Variants in TRMT11 observed in about 807,000 individuals in gnomAD.
The protein encoded by TRMT11 is tRNA methyltransferase 11.
Under a neutral mutation model 62.8 loss-of-function variants are expected in TRMT11, and 53 were observed. That is an observed-to-expected ratio of 0.84 (90% CI 0.68 to 1.06). The LOEUF (loss-of-function observed/expected upper bound fraction) is 1.06, where lower values mean the gene tolerates loss of function less well. Among genes scored for constraint, TRMT11 ranks in the 50% least tolerant of loss-of-function variants. The pLI, the probability that TRMT11 is intolerant of heterozygous loss-of-function variation, is 0.00. For synonymous variants in TRMT11, 188 were observed against 190.3 expected (o/e 0.99, Z 0.10); for missense variants, 556 against 553.4 (o/e 1.00, Z -0.05).
intron 21 of TRMT11, among the ~76,000 whole-genome samples, chr6:126,121,729 C>A (rs935912942): frequency 1.3e-5 from 2 of 152,058 alleles, no homozygotes; most frequent in South Asian, 4.1e-4. Flanking sequence ...GACAGAGAAT[C>A]CATCATGTCC....
At position 126,038,921 on chromosome 6, in the gene TRMT11, A is replaced by C. The variant is rs186334212; in HGVS notation, c.*85A>C. ...GTGAACTTTCATGTATGATCCAGAA[A>C]ATAGGTACGGTTTTAAAATATTTTA... On this transcript the variant is annotated 3_prime_UTR_variant, in exon 13 of 13. Transcript: ENST00000334379. 19 of 1,115,220 alleles carry C rather than the reference A, an allele frequency of 1.7e-5. No homozygotes were observed. Among genetic ancestry groups the C allele is most frequent in the Middle Eastern group, 5.3e-4 (2 of 3,746 alleles). The allele number at this position is 1,115,220 out of a possible 1,614,324, so 69.1% of individuals were successfully genotyped here.
At chr6:126,165,667 G>T (rs1460388819) in intron 21 of TRMT11, among the ~76,000 whole-genome samples, 3 of 152,174 alleles carry the variant, frequency 2.0e-5, no homozygotes, top group Non-Finnish European at 4.4e-5. Context: ...AGTCTGATGG[G>T]CTTCCCTTTG....
chr6:126,265,111 C>A, the TRMT11 span, among the ~76,000 whole-genome samples: 1 of 152,084 alleles, frequency 6.6e-6, no homozygotes, highest in Non-Finnish European at 1.5e-5. Flanking sequence ...TGTTCATATA[C>A]ACACATGCAC....
chr6:126,191,373 C>T (rs554923452), intron 1 of TRMT11, among the ~76,000 whole-genome samples: 18 of 151,346 alleles, frequency 1.2e-4, no homozygotes, highest in Non-Finnish European at 1.9e-4. Flanking sequence ...AGCTTACAAA[C>T]ATTTTCTCCG....
intron 21 of TRMT11, among the ~76,000 whole-genome samples, chr6:126,168,798 C>A (rs550868080): frequency 6.6e-6 from 1 of 152,094 alleles, no homozygotes; most frequent in Non-Finnish European, 1.5e-5. Context: ...ATTACAGGTG[C>A]GAGCCACCAT....
chr6:126,223,655 A>G, the TRMT11 span, among the ~76,000 whole-genome samples: 1 of 152,198 alleles, frequency 6.6e-6, no homozygotes, highest in African/African-American at 2.4e-5. Flanking sequence ...CTTGTCTTGT[A>G]TAGTATCTTG....
At chr6:125,998,767 C>G (rs1472412755) in intron 6 of TRMT11, 83 bp downstream of exon 6, 2 of 1,340,518 alleles carry the variant, frequency 1.5e-6, no homozygotes, top group Non-Finnish European at 2.1e-6. Flanking sequence ...CTATGTAGAA[C>G]TTTAAAGCAG....
chr6:126,248,323 A>G, the TRMT11 span, among the ~76,000 whole-genome samples: 1 of 152,158 alleles, frequency 6.6e-6, no homozygotes, highest in Non-Finnish European at 1.5e-5. Context: ...TCTGTTTTAT[A>G]GGAAATATAA....
chr6:126,264,316 C>G, the TRMT11 span, among the ~76,000 whole-genome samples: 1 of 151,536 alleles, frequency 6.6e-6, no homozygotes, highest in Non-Finnish European at 1.5e-5. Flanking sequence ...GCCAATTATA[C>G]TTGAGGAATC....
At chr6:126,077,556 T>A (rs1459124130) in intron 17 of TRMT11, among the ~76,000 whole-genome samples, 1 of 152,192 alleles carries the variant, frequency 6.6e-6, no homozygotes, top group East Asian at 1.9e-4. Flanking sequence ...GAACACAGAT[T>A]ACCTCAAGTA....
chr6:126,014,529 G>T (rs990096105), intron 11 of TRMT11, among the ~76,000 whole-genome samples: 1 of 152,176 alleles, frequency 6.6e-6, no homozygotes, highest in Non-Finnish European at 1.5e-5. Flanking sequence ...GATTATAGGC[G>T]TGAGCCACCG....
downstream of TRMT11, among the ~76,000 whole-genome samples, chr6:126,043,994 T>C (rs1775965532): frequency 6.7e-6 from 1 of 149,968 alleles, no homozygotes; most frequent in Non-Finnish European, 1.5e-5. Flanking sequence ...TTTTCTCCCA[T>C]TCTGTAGGTT....
At position 126,013,803 on chromosome 6, in the gene TRMT11, GT is replaced by G. The variant is rs1794614291; in HGVS notation, c.1139+706del. ...TACTCTCTGGCCCTTTATAGAAAAA[GT>G]TTTGCCAGCCCTTATTGTACCCTAC... is the stretch of plus-strand genomic sequence containing the variant. On this transcript the variant is annotated intron_variant, in intron 11 of 12. Transcript: ENST00000334379. Among the ~76,000 whole-genome samples, 4 of 152,296 alleles carry G rather than the reference GT, an allele frequency of 2.6e-5. No individual in the cohort carries two copies. The East Asian group carries it at 7.7e-4, about 29-fold the overall frequency.
intron 17 of TRMT11, among the ~76,000 whole-genome samples, chr6:126,097,653 T>C (rs545027919): frequency 6.6e-6 from 1 of 152,268 alleles, no homozygotes; most frequent in South Asian, 2.1e-4. Context: ...AACTGTTTAA[T>C]CAATTGAAAT....
chr6:126,124,592 A>G (rs1777689331), intron 21 of TRMT11, among the ~76,000 whole-genome samples: 1 of 152,072 alleles, frequency 6.6e-6, no homozygotes, highest in Admixed American at 6.6e-5. Flanking sequence ...TAGGCTTCAA[A>G]AAGTGTGCAT....
rs143525602 is a variant in TRMT11 at position 126,021,245 on chromosome 6, C to T, written c.1225C>T (p.Arg409Cys). 1.6e-5 allele frequency: 26 copies of T among 1,614,102 alleles called. No homozygotes were observed. Among genetic ancestry groups the T allele is most frequent in the East Asian group, 4.5e-5 (2 of 44,880 alleles). Reference protein sequence around the residue: ...EQKLSSHTSRRLITMEKVKKF... With the variant: ...EQKLSSHTSRCLITMEKVKKF... ...GAAGCTTTCCAGTCACACATCAAGG[C>T]GCTTGATCACAATGGAAAAGGTGAA... is the stretch of plus-strand genomic sequence containing the variant. Residue 409 changes from arginine to cysteine, a missense_variant, in exon 12 of 13, where the codon CGC (arginine) becomes TGC (cysteine). By Grantham distance (180) the Arg-to-Cys change is radical (BLOSUM62 -3). Transcript: ENST00000334379.
the TRMT11 span, among the ~76,000 whole-genome samples, chr6:126,220,554 G>T: frequency 2.2e-4 from 34 of 152,262 alleles, no homozygotes; most frequent in African/African-American, 7.5e-4. Flanking sequence ...ACGCTCTGAA[G>T]ATCATAAAAA....
In TRMT11 at chr6:125,998,057, A is replaced by C. The variant is rs768787151; in HGVS notation, c.217A>C (p.Ile73Leu). ...TACCAATCATTTATTTCCTAGGTCT[A>C]TATTTGAACTATGGGGTCATGGACA... is the stretch of plus-strand genomic sequence containing the variant. ...LMKRTVCAKS[I>L]FELWGHGQSP... is the part of the protein sequence containing the mutation. The change falls in exon 4 of 13, where the codon ATA becomes CTA. Residue 73 changes from isoleucine (I) to leucine (L), a missense_variant. Physicochemically the swap from Ile to Leu is conservative, Grantham distance 5. Transcript: ENST00000334379. 5.6e-6 allele frequency: 9 copies of C among 1,608,616 alleles called. No homozygotes were observed. The highest frequency in any genetic ancestry group is 7.7e-6 in the Non-Finnish European group (9 of 1,175,884).
chr6:126,213,062 T>A, the TRMT11 span, among the ~76,000 whole-genome samples: 1 of 152,128 alleles, frequency 6.6e-6, no homozygotes, highest in Non-Finnish European at 1.5e-5. Context: ...GGCATCTTTG[T>A]TGAAAATGAG....
Sources: gnomAD v4.1 joint callset for allele counts (sites outside exome capture counted in the v4.1 genomes callset) on GRCh38, gnomAD v4.1.1 for gene constraint, MANE v1.5 for transcripts, NCBI Gene and HGNC (gene_info 2026-07-23, HGNC 2026-07-21) for gene names.